SPIDR: variants seen among roughly 807,000 people sequenced by gnomAD.
SPIDR encodes DNA repair-scaffolding protein.
A neutral mutation model predicts 104.6 loss-of-function variants in SPIDR; 93 were observed. The ratio of observed to expected loss-of-function variants is 0.89; its 90% CI spans 0.75 to 1.06. The LOEUF (loss-of-function observed/expected upper bound fraction) is 1.06. Ranked by LOEUF, SPIDR falls within the 50% of genes least tolerant of loss-of-function variation. The probability of loss-of-function intolerance (pLI) is 0.00; values close to 1 mark genes in which losing one functional copy is unlikely to be tolerated. For synonymous variants in SPIDR, 431 were observed against 416.9 expected (o/e 1.03, Z -0.41); for missense variants, 1,154 against 1,111.2 (o/e 1.04, Z -0.55).
intron 8 of SPIDR, among the ~76,000 whole-genome samples, chr8:47,475,264 C>T (rs1250405716): frequency 6.6e-6 from 1 of 152,226 alleles, no homozygotes; most frequent in South Asian, 2.1e-4. Context: ...TGTTAGCACA[C>T]CCTGCCCTCA....
At chr8:47,599,321 G>GT in intron 10 of SPIDR, 125 bp downstream of exon 10, 1 of 1,313,496 alleles carries the variant, frequency 7.6e-7, no homozygotes, top group Non-Finnish European at 1.0e-6. Context: ...AGCTGTTTTT[G>GT]TTTTTCCTTG....
intron 8 of SPIDR, 131 bp downstream of exon 8, chr8:47,440,673 G>A (rs995327162): frequency 3.0e-5 from 27 of 887,424 alleles, no homozygotes; most frequent in South Asian, 1.1e-4. Flanking sequence ...AGGATTGGAC[G>A]TGGGTTTTCT....
chr8:47,367,093 C>G (rs1430855650), intron 5 of SPIDR, among the ~76,000 whole-genome samples: 1 of 152,078 alleles, frequency 6.6e-6, no homozygotes, highest in East Asian at 1.9e-4. Context: ...TGGGCTTGAC[C>G]CATTTGCCAG....
At chr8:47,674,075 C>G in intron 11 of SPIDR, 134 bp downstream of exon 11, 1 of 1,149,248 alleles carries the variant, frequency 8.7e-7, no homozygotes. Context: ...AAAACAAGGC[C>G]AGGAGTTGAG....
intron 5 of SPIDR, among the ~76,000 whole-genome samples, chr8:47,392,110 A>G (rs2060667524): frequency 6.6e-6 from 1 of 152,072 alleles, no homozygotes; most frequent in Non-Finnish European, 1.5e-5. Context: ...TGTAAACTAT[A>G]TGGGCTAAAA....
At chr8:47,286,929 G>A (rs1253595054) in intron 3 of SPIDR, among the ~76,000 whole-genome samples, 2 of 152,068 alleles carry the variant, frequency 1.3e-5, no homozygotes, top group African/African-American at 4.8e-5. Flanking sequence ...GGTTTTACAT[G>A]TCTCTTAAGT....
chr8:47,278,355 T>C (rs1483516476), intron 1 of SPIDR, among the ~76,000 whole-genome samples: 3 of 151,468 alleles, frequency 2.0e-5, no homozygotes, highest in African/African-American at 7.3e-5. Context: ...GATCTTGCTC[T>C]GTCACCCAGG....
chr8:47,654,106 G>A lies in SPIDR; in HGVS notation c.1545-19695G>A, dbSNP rs534013819. The stretch of plus-strand genomic sequence containing the variant: ...AGGCCCCACCATGTGTGTACCAAGA[G>A]GCATGCAGGAGCCATTGGGATACTC... On this transcript the variant is annotated intron_variant, in intron 10 of 19. Coordinates refer to ENST00000297423, the MANE Select transcript of SPIDR (RefSeq NM_001080394.4). 5.8e-5 allele frequency: 75 copies of A among 1,289,830 alleles called. No individual in the cohort carries two copies. In the South Asian group the frequency reaches 6.2e-4, roughly 11 times the overall value. 79.9% of individuals were successfully genotyped at this position (1,289,830 alleles called of 1,614,324 possible).
intron 5 of SPIDR, among the ~76,000 whole-genome samples, chr8:47,311,497 A>G (rs1008863900): frequency 2.0e-5 from 3 of 152,184 alleles, no homozygotes; most frequent in African/African-American, 7.2e-5. Flanking sequence ...ACTTAAGTAC[A>G]TTATAGTGAA....
chr8:47,489,565 CA>C (rs2078308283), intron 8 of SPIDR, among the ~76,000 whole-genome samples: 1 of 152,180 alleles, frequency 6.6e-6, no homozygotes, highest in African/African-American at 2.4e-5. Flanking sequence ...GCCAAAAGAA[CA>C]AAGCTGGAAG....
At chr8:47,403,025 C>T (rs1554664430) in intron 6 of SPIDR, among the ~76,000 whole-genome samples, 4 of 152,148 alleles carry the variant, frequency 2.6e-5, no homozygotes. Context: ...TGGCTTCATC[C>T]CTGGGATGCA....
chr8:47,574,496 G>A lies in SPIDR; in HGVS notation c.1098-21315G>A, dbSNP rs559171368. On this transcript the variant is annotated intron_variant, in intron 8 of 19. Coordinates refer to ENST00000297423, the MANE Select transcript of SPIDR (RefSeq NM_001080394.4). ...CTACAGGCCGGATGTGGTGGCTCACGCCTGTAATCTCAGCACTTTTGGAGG... is the reference window on the plus strand; with the variant it reads ...CTACAGGCCGGATGTGGTGGCTCACACCTGTAATCTCAGCACTTTTGGAGG... 6.6e-4 allele frequency among the ~76,000 whole-genome samples: 100 copies of A among 152,114 alleles called. 1 individual carries two copies. Among genetic ancestry groups the A allele is most frequent in the Admixed American group, 1.2e-3 (18 of 15,270 alleles).
At chr8:47,709,572 G>A (rs1239848979) in intron 14 of SPIDR, among the ~76,000 whole-genome samples, 3 of 152,164 alleles carry the variant, frequency 2.0e-5, no homozygotes, top group Non-Finnish European at 4.4e-5. Context: ...CACCATGCCC[G>A]GCCAGAGAAG....
intron 8 of SPIDR, among the ~76,000 whole-genome samples, chr8:47,584,443 G>A (rs1048806853): frequency 6.6e-6 from 1 of 152,152 alleles, no homozygotes; most frequent in Non-Finnish European, 1.5e-5. Context: ...GAGGCTTACT[G>A]TATTTTCTGT....
At chr8:47,513,105 T>A (rs2082613167) in intron 8 of SPIDR, among the ~76,000 whole-genome samples, 1 of 152,246 alleles carries the variant, frequency 6.6e-6, no homozygotes, top group Non-Finnish European at 1.5e-5. Flanking sequence ...TAACATAATT[T>A]GTGCTGTTCA....
Position 47,271,594 on chromosome 8 carries a change from T to C in SPIDR, c.34-8268T>C, listed in dbSNP as rs947473605. Among the ~76,000 whole-genome samples, 104 of 152,248 alleles carry C rather than the reference T, an allele frequency of 6.8e-4. 1 individual carries two copies. Among genetic ancestry groups the C allele is most frequent in the African/African-American group, 2.4e-3 (99 of 41,590 alleles). ...TATAATTTCTGTGTCTTTATTGATA[T>C]TCGCTATTTGGTGAGGCATTTTTAT... On this transcript the variant is annotated intron_variant, in intron 1 of 19. Transcript: ENST00000297423.
intron 8 of SPIDR, among the ~76,000 whole-genome samples, chr8:47,498,884 T>G (rs1185048864): frequency 6.6e-6 from 1 of 152,216 alleles, no homozygotes; most frequent in Non-Finnish European, 1.5e-5. Context: ...AAATTCAGTG[T>G]TTCTTCATTT....
At chr8:47,596,101 G>A in intron 9 of SPIDR, 95 bp downstream of exon 9, 1 of 1,163,814 alleles carries the variant, frequency 8.6e-7, no homozygotes, top group South Asian at 1.6e-5. Context: ...TTAGCCTTTT[G>A]TCTCCCTCCA....
chr8:47,668,740 C>T (rs1259075787), intron 10 of SPIDR, among the ~76,000 whole-genome samples: 3 of 152,058 alleles, frequency 2.0e-5, no homozygotes, highest in South Asian at 2.1e-4. Context: ...GTACACTAAA[C>T]GGATTACAAA....
Sources: gnomAD v4.1 joint callset for allele counts (sites outside exome capture counted in the v4.1 genomes callset) on GRCh38, gnomAD v4.1.1 for gene constraint, MANE v1.5 for transcripts, NCBI Gene and HGNC (gene_info 2026-07-23, HGNC 2026-07-21) for gene names.